The following MYO7A variants were observed in gnomAD, a reference collection of about 807,000 sequenced individuals.
The protein encoded by MYO7A is myosin VIIA, also known as unconventional myosin-VIIa.
A neutral mutation model predicts 263.8 loss-of-function variants in MYO7A; 210 were observed. The observed-to-expected ratio is 0.80, with a 90% CI of 0.71 to 0.89. The LOEUF is 0.89. Ranked by LOEUF, MYO7A falls within the 40% of genes least tolerant of loss-of-function variation. The pLI is 0.00. For missense variants in MYO7A, 2,820 were observed against 2,968.3 expected (o/e 0.95, Z 1.16); for synonymous variants, 1,239 against 1,197.3 (o/e 1.03, Z -0.72).
rs751298357 is a variant in MYO7A, at chr11:77,202,335, C to T, written c.5079C>T (p.Asp1693=). 6.6e-5 allele frequency: 105 copies of T among 1,582,334 alleles called. No individual in the cohort carries two copies. The highest frequency in any genetic ancestry group is 4.3e-4 in the Admixed American group (24 of 55,906). ...CCATGACTCCCGATCAGAGGCAGGA[C>T]GTTGTCCGGCTCTTGCAGCTGCGAA... ...LVTMTPDQRQ[D]VVRLLQLRTA... is the part of the protein sequence containing the mutation. Residue 1693 remains aspartate, a synonymous_variant, in exon 37 of 49, where the codon GAC becomes GAT. Coordinates refer to ENST00000409709, the MANE Select transcript of MYO7A (RefSeq NM_000260.4).
At chr11:77,161,229 C>A in intron 12 of MYO7A, 114 bp downstream of exon 12, 1 of 1,310,754 alleles carries the variant, frequency 7.6e-7, no homozygotes, top group Non-Finnish European at 1.1e-6. Context: ...CTCTGCCAGG[C>A]TGTTCCGTCA....
At position 77,183,107 on chromosome 11, in the gene MYO7A, C is replaced by T; in HGVS notation, c.3325C>T (p.His1109Tyr). Reference protein sequence around the residue: ...PEGQKKSSVRHKLVHLTLKKK... With the variant: ...PEGQKKSSVRYKLVHLTLKKK... ...GGGCCAGAAGAAGAGCAGTGTGAGG[C>T]ACAAGCTGGTGCATTTGACTCTGAA... Residue 1109 changes from histidine to tyrosine, a missense_variant, in exon 26 of 49, where the codon CAC becomes TAC. Transcript: ENST00000409709. 6.4e-7 allele frequency: 1 copy of T among 1,552,168 alleles called. No individual in the cohort carries two copies. Among genetic ancestry groups the T allele is most frequent in the East Asian group, 2.4e-5 (1 of 40,976 alleles).
chr11:77,192,139 G>A lies in MYO7A; in HGVS notation c.4013G>A (p.Arg1338His), dbSNP rs778477059. The stretch of plus-strand genomic sequence containing the variant: ...GCCAAGGAGCAGGGCGCCCAGGAGC[G>A]CAACGCCCCCTGGAGGCTCTTCTTC... ...QYAKEQGAQERNAPWRLFFRK... is the reference protein window; with the variant it reads ...QYAKEQGAQEHNAPWRLFFRK... The change falls in exon 31 of 49, where the codon CGC (arginine) becomes CAC (histidine). Residue 1338 changes from arginine to histidine, a missense_variant. By Grantham distance (29) the Arg-to-His change is conservative. Transcript: ENST00000409709. 2.2e-5 allele frequency: 35 copies of A among 1,613,820 alleles called. No individual in the cohort carries two copies. Among genetic ancestry groups the A allele is most frequent in the South Asian group, 5.5e-5 (5 of 91,090 alleles).
chr11:77,156,628 G>A (rs1555062342), intron 5 of MYO7A, 32 bp from the exon 6 acceptor site: 1 of 1,610,882 alleles, frequency 6.2e-7, no homozygotes, highest in Non-Finnish European at 8.5e-7. Context: ...CCTGTGGGTT[G>A]TGACAGGTCC....
Position 77,199,791 on chromosome 11 carries a change from G to T in MYO7A, c.4825G>T (p.Val1609Leu). The T allele has an allele frequency of 2.5e-6, 4 of 1,603,862 alleles. No homozygotes were observed. Among genetic ancestry groups the T allele is most frequent in the Non-Finnish European group, 3.4e-6 (4 of 1,172,136 alleles). The change falls in exon 35 of 49, where the codon GTG becomes TTG. Residue 1609 changes from valine (V) to leucine (L), a missense_variant. Val to Leu is a conservative substitution (Grantham distance 32). Transcript: ENST00000409709. ...GCTCCGGAAGAGATCTAAGTATGTT[G>T]TGGCCCTGCAGGATAACCCCAACCC... ...EGLRKRSKYV[V>L]ALQDNPNPAG...
rs797044514 is a variant in MYO7A, at chr11:77,172,853, T to C, written c.1903T>C (p.Cys635Arg). 1 of 1,552,172 alleles carries C rather than the reference T, an allele frequency of 6.4e-7. No individual in the cohort carries two copies. The highest frequency in any genetic ancestry group is 1.2e-5 in the South Asian group (1 of 84,068). ...LGACQPFFVR[C>R]IKPNEFKKPM... ...TGCCTGCCAGCCCTTCTTTGTGCGA[T>C]GCATCAAGCCCAATGAGTTCAAGAA... The change falls in exon 16 of 49, where the codon TGC (cysteine) becomes CGC (arginine). Residue 635 changes from cysteine to arginine, a missense_variant. Cys to Arg is a radical substitution (Grantham distance 180). Coordinates refer to ENST00000409709, the MANE Select transcript of MYO7A (RefSeq NM_000260.4).
Position 77,208,492 on chromosome 11 carries a change from A to G in MYO7A, c.5919A>G (p.Ile1973Met), listed in dbSNP as rs780910389. Residue 1973 changes from isoleucine (I) to methionine (M), a missense_variant, in exon 43 of 49, where the codon ATA (isoleucine) becomes ATG (methionine). Ile to Met is a conservative substitution (Grantham distance 10). Transcript: ENST00000409709. ...FDFVRHLTDW[I>M]KKARPIKDGI... ...TTGTTCGACACTTGACAGACTGGAT[A>G]AAGAAAGCTCGGCCCATCAAGGACG... 2.5e-6 allele frequency: 4 copies of G among 1,613,656 alleles called. No homozygotes were observed. The highest frequency in any genetic ancestry group is 3.4e-6 in the Non-Finnish European group (4 of 1,179,742).
intron 42 of MYO7A, among the ~76,000 whole-genome samples, chr11:77,207,864 C>T (rs1591492826): frequency 6.6e-6 from 1 of 152,204 alleles, no homozygotes; most frequent in South Asian, 2.1e-4. Context: ...CTAAAGCCCA[C>T]GCCCCTGCCA....
At chr11:77,159,395 C>A in intron 9 of MYO7A, 52 bp from the exon 10 acceptor site, 2 of 1,344,912 alleles carry the variant, frequency 1.5e-6, no homozygotes, top group African/African-American at 1.4e-5. Flanking sequence ...TGTCCCCTTG[C>A]CCCTGTTGCC....
chr11:77,180,132 A>G (rs1489420555), intron 21 of MYO7A, among the ~76,000 whole-genome samples, 179 bp downstream of exon 21: 3 of 152,228 alleles, frequency 2.0e-5, no homozygotes, highest in East Asian at 1.9e-4. Flanking sequence ...AGCCAAGGGC[A>G]GGGCTGGGAC....
rs782740550 is a variant in MYO7A at position 77,175,375 on chromosome 11, G to C, written c.2098G>C (p.Asp700His). The C allele has an allele frequency of 2.5e-6, 4 of 1,613,010 alleles. No homozygotes were observed. Among genetic ancestry groups the C allele is most frequent in the Non-Finnish European group, 3.4e-6 (4 of 1,179,846 alleles). Residue 700 changes from aspartate (D) to histidine (H), a missense_variant, in exon 18 of 49, where the codon GAC becomes CAC. Transcript: ENST00000409709. Reference sequence around the variant, plus strand: ...GTGTTCCCCATCCTCACTCCAGGGCGACCTCCGCGGGACTTGCCAGCGCAT... The same window carrying C: ...GTGTTCCCCATCCTCACTCCAGGGCCACCTCCGCGGGACTTGCCAGCGCAT... ...PGVKPAYKQGDLRGTCQRMAE... is the reference protein window; with the variant it reads ...PGVKPAYKQGHLRGTCQRMAE...
At chr11:77,153,849 AC>A (rs1952200813) in intron 4 of MYO7A, among the ~76,000 whole-genome samples, 1 of 151,706 alleles carries the variant, frequency 6.6e-6, no homozygotes, top group South Asian at 2.1e-4. Flanking sequence ...GGGCCCTCAC[AC>A]CCCAGCCTCC....
At chr11:77,208,009 C>T (rs12271812) in intron 42 of MYO7A, among the ~76,000 whole-genome samples, 47 of 152,238 alleles carry the variant, frequency 3.1e-4, no homozygotes, top group Admixed American at 9.8e-4. Flanking sequence ...CTCTGTGTGC[C>T]TCTGTGTCTG....
intron 35 of MYO7A, among the ~76,000 whole-genome samples, chr11:77,201,035 G>A (rs3781689): frequency 6.6e-6 from 1 of 151,782 alleles, no homozygotes; most frequent in African/African-American, 2.4e-5. Flanking sequence ...ATGCCGACTG[G>A]GGTCCAGGGA....
intron 44 of MYO7A, 82 bp downstream of exon 44, chr11:77,208,885 C>A: frequency 8.4e-7 from 1 of 1,194,098 alleles, no homozygotes; most frequent in Non-Finnish European, 1.2e-6. Context: ...ACCCACTGAC[C>A]TTGCCAGGTG....
At chr11:77,166,270 A>C in intron 15 of MYO7A, 108 bp downstream of exon 15, 3 of 914,690 alleles carry the variant, frequency 3.3e-6, no homozygotes, top group Non-Finnish European at 3.5e-6. Context: ...TGGCCACATA[A>C]TGGGTATGGA....
intron 3 of MYO7A, among the ~76,000 whole-genome samples, chr11:77,146,997 T>TG (rs1455680008): frequency 1.3e-5 from 2 of 152,086 alleles, no homozygotes; most frequent in Admixed American, 1.3e-4. Context: ...TAAGGAGAGC[T>TG]GGGCAGGCAG....
chr11:77,212,904 T>C (rs1957968913), intron 46 of MYO7A, 48 bp from the exon 47 acceptor site: 1 of 1,425,522 alleles, frequency 7.0e-7, no homozygotes, highest in African/African-American at 1.4e-5. Flanking sequence ...CCCAAATGCT[T>C]TTCTTGCTCT....
At chr11:77,149,455 G>A (rs1196570875) in intron 4 of MYO7A, among the ~76,000 whole-genome samples, 2 of 152,220 alleles carry the variant, frequency 1.3e-5, no homozygotes, top group African/African-American at 2.4e-5. Flanking sequence ...GGGCCATGCT[G>A]GCAAGCGATC....
Sources: allele counts gnomAD v4.1 joint callset (sites outside exome capture counted in the v4.1 genomes callset), GRCh38; gene constraint gnomAD v4.1.1; transcripts MANE v1.5; gene names NCBI Gene and HGNC (gene_info 2026-07-23, HGNC 2026-07-21).